CCDC7: variants seen among roughly 807,000 people sequenced by gnomAD.
CCDC7 encodes coiled-coil domain containing 7.
Under a neutral mutation model 196.9 loss-of-function variants are expected in CCDC7, and 183 were observed. The observed-to-expected ratio is 0.93, with a 90% CI of 0.82 to 1.05. The LOEUF (loss-of-function observed/expected upper bound fraction) is 1.05, where lower values mean the gene tolerates loss of function less well. Ranked by LOEUF, CCDC7 falls within the 50% of genes least tolerant of loss-of-function variation. CCDC7 has a pLI of 0.00. For synonymous variants in CCDC7, 525 were observed against 484.6 expected (o/e 1.08, Z -1.10); for missense variants, 1,540 against 1,482.2 (o/e 1.04, Z -0.64).
At chr10:32,756,469 T>C (rs972210178) in intron 28 of CCDC7, among the ~76,000 whole-genome samples, 2 of 151,768 alleles carry the variant, frequency 1.3e-5, no homozygotes, top group Non-Finnish European at 3.0e-5. Context: ...TCTTAAAGAA[T>C]TTTCAACCCA....
intron 20 of CCDC7, among the ~76,000 whole-genome samples, chr10:32,642,476 G>T (rs912067727): frequency 5.3e-5 from 8 of 152,204 alleles, no homozygotes; most frequent in African/African-American, 1.9e-4. Flanking sequence ...CTCCTGGTGT[G>T]CTGTTTGCTG....
intron 31 of CCDC7, among the ~76,000 whole-genome samples, chr10:32,818,220 G>A (rs1046965674): frequency 3.3e-5 from 5 of 152,114 alleles, no homozygotes; most frequent in African/African-American, 1.2e-4. Flanking sequence ...TTAAACCAAT[G>A]AAGATCAAAA....
intron 22 of CCDC7, among the ~76,000 whole-genome samples, chr10:32,687,293 A>G (rs577750920): frequency 1.2e-4 from 18 of 152,316 alleles, no homozygotes; most frequent in South Asian, 2.1e-4. Flanking sequence ...CCCTCAGGCA[A>G]TTTTTGGAGA....
chr10:32,752,419 C>T (rs1041179602), intron 28 of CCDC7, among the ~76,000 whole-genome samples: 2 of 152,136 alleles, frequency 1.3e-5, no homozygotes, highest in Non-Finnish European at 2.9e-5. Context: ...CTGGCGAATT[C>T]CATTAGCTCC....
Position 32,609,971 on chromosome 10 carries a change from T to C in CCDC7, c.1802-24283T>C, listed in dbSNP as rs141345815. On this transcript the variant is annotated intron_variant, in intron 18 of 41. Coordinates refer to ENST00000639629, the Ensembl canonical transcript of CCDC7. ...ATATGCTGAACAAAGAGATGTTTCA[T>C]GTCCTGGGTGAGATGGAGTGAGATA... Among the ~76,000 whole-genome samples the C allele has an allele frequency of 4.9e-3, 753 of 152,224 alleles. 9 individuals carry two copies. Among genetic ancestry groups the C allele is most frequent in the African/African-American group, 0.017 (715 of 41,518 alleles).
intron 28 of CCDC7, among the ~76,000 whole-genome samples, chr10:32,761,733 T>G (rs1313886442): frequency 1.3e-5 from 2 of 152,050 alleles, no homozygotes; most frequent in Non-Finnish European, 2.9e-5. Context: ...ATAGGATATC[T>G]TCTGTTAAAA....
chr10:32,713,126 TTAAC>T (rs2081078227), intron 25 of CCDC7, among the ~76,000 whole-genome samples: 3 of 152,314 alleles, frequency 2.0e-5, no homozygotes, highest in Non-Finnish European at 4.4e-5. Flanking sequence ...GAAAATGTAT[TTAAC>T]TAGTAATATA....
Position 32,658,800 on chromosome 10 carries a change from A to G in CCDC7, c.2015-5254A>G, listed in dbSNP as rs573482672. Among the ~76,000 whole-genome samples the G allele has an allele frequency of 4.6e-5, 7 of 152,330 alleles. No individual in the cohort carries two copies. In the East Asian group the frequency reaches 1.3e-3, roughly 29 times the overall value. ...TCTTGGTAAGTTACATATTTCTATG[A>G]ATTTATACATTTGTTCTAGATTATT... On this transcript the variant is annotated intron_variant, in intron 20 of 41. Transcript: ENST00000639629.
chr10:32,862,772 A>G (rs2094053681), intron 41 of CCDC7, among the ~76,000 whole-genome samples: 1 of 152,108 alleles, frequency 6.6e-6, no homozygotes, highest in Admixed American at 6.6e-5. Flanking sequence ...GATCTTATAT[A>G]TAGGAAACCC....
At chr10:32,693,885 G>C (rs2077376403) in intron 23 of CCDC7, among the ~76,000 whole-genome samples, 1 of 152,172 alleles carries the variant, frequency 6.6e-6, no homozygotes, top group South Asian at 2.1e-4. Flanking sequence ...CCCCCCTTGT[G>C]CTCTGAGCTG....
At chr10:32,486,797 T>C (rs1490627561) in intron 8 of CCDC7, among the ~76,000 whole-genome samples, 2 of 151,274 alleles carry the variant, frequency 1.3e-5, no homozygotes, top group Admixed American at 1.3e-4. Flanking sequence ...AATTCTTTTC[T>C]TTAAGAATGT....
At chr10:32,469,025 C>T (rs2037412221) in intron 5 of CCDC7, among the ~76,000 whole-genome samples, 1 of 152,176 alleles carries the variant, frequency 6.6e-6, no homozygotes, top group African/African-American at 2.4e-5. Context: ...GAATCTGTGC[C>T]CCAAAGATCT....
intron 8 of CCDC7, among the ~76,000 whole-genome samples, chr10:32,491,375 G>C (rs1374295704): frequency 1.3e-5 from 2 of 152,038 alleles, no homozygotes; most frequent in Non-Finnish European, 2.9e-5. Flanking sequence ...ATAGTTCATT[G>C]ATTATTATGG....
At chr10:32,696,975 A>G (rs78085039) in intron 24 of CCDC7, among the ~76,000 whole-genome samples, 12,613 of 152,220 alleles carry the variant, frequency 0.083, 568 homozygotes, top group East Asian at 0.16. Context: ...TGCATGGACC[A>G]GGGCTGAGGT....
At chr10:32,535,001 TG>T (rs2050246349) in intron 11 of CCDC7, among the ~76,000 whole-genome samples, 1 of 151,816 alleles carries the variant, frequency 6.6e-6, no homozygotes, top group South Asian at 2.1e-4. Flanking sequence ...TGTAGAAACT[TG>T]GAGTTGGGGG....
intron 21 of CCDC7, among the ~76,000 whole-genome samples, chr10:32,674,302 T>A (rs2074562743): frequency 6.6e-6 from 1 of 152,028 alleles, no homozygotes; most frequent in Admixed American, 6.6e-5. Context: ...TTTTAAAATC[T>A]CAAGATAGTT....
chr10:32,677,809 C>T (rs1262600016), intron 21 of CCDC7, among the ~76,000 whole-genome samples: 1 of 152,086 alleles, frequency 6.6e-6, no homozygotes, highest in African/African-American at 2.4e-5. Context: ...GCCATTTTCC[C>T]TCTCTTTCTT....
chr10:32,720,725 C>A (rs11593461), intron 25 of CCDC7, among the ~76,000 whole-genome samples: 12,612 of 152,162 alleles, frequency 0.083, 568 homozygotes, highest in East Asian at 0.16. Flanking sequence ...TGATGACCCT[C>A]AGACTCTTGC....
intron 39 of CCDC7, among the ~76,000 whole-genome samples, chr10:32,849,743 A>G (rs2093471514): frequency 2.0e-5 from 3 of 151,514 alleles, no homozygotes; most frequent in Non-Finnish European, 2.9e-5. Flanking sequence ...AGAAAGCAAG[A>G]GTGTAAAAAG....
Sources: gnomAD v4.1 joint callset for allele counts (sites outside exome capture counted in the v4.1 genomes callset) on GRCh38, gnomAD v4.1.1 for gene constraint, MANE v1.5 for transcripts, NCBI Gene and HGNC (gene_info 2026-07-23, HGNC 2026-07-21) for gene names.